The following GRB14 variants were observed in gnomAD, a reference collection of about 807,000 sequenced individuals.
The protein encoded by GRB14 is growth factor receptor bound protein 14, also known as growth factor receptor-bound protein 14.
Under a neutral mutation model 69.1 loss-of-function variants are expected in GRB14, and 38 were observed. That is an observed-to-expected ratio of 0.55 (90% CI 0.42 to 0.72). The LOEUF (loss-of-function observed/expected upper bound fraction) is 0.72, where lower values mean the gene tolerates loss of function less well. Among genes scored for constraint, GRB14 ranks in the 30% least tolerant of loss-of-function variants. The pLI, the probability that GRB14 is intolerant of heterozygous loss-of-function variation, is 0.00. For synonymous variants in GRB14, 247 were observed against 241.3 expected (o/e 1.02, Z -0.22); for missense variants, 666 against 666.1 (o/e 1.00, Z 0.00).
At chr2:164,494,255 G>T (rs1255638379) in intron 13 of GRB14, among the ~76,000 whole-genome samples, 176 bp downstream of exon 13, 1 of 151,982 alleles carries the variant, frequency 6.6e-6, no homozygotes, top group African/African-American at 2.4e-5. Context: ...TATTAATTCA[G>T]GCTCATAAAA....
At position 164,621,355 on chromosome 2, in the gene GRB14, G is replaced by A. The variant is rs746276392; in HGVS notation, c.-46C>T. ...GGGCGTCATGGGAGACTCGGCGCGT[G>A]GGGAGAAGGGGTTTGCGCGGCGGGA... On this transcript the variant is annotated 5_prime_UTR_variant, in exon 1 of 14. Coordinates refer to ENST00000263915, the MANE Select transcript of GRB14 (RefSeq NM_004490.3). The surrounding 1 kb of genome is among the most constrained non-coding windows in gnomAD (Gnocchi z 6.0). 2.4e-6 allele frequency: 3 copies of A among 1,252,076 alleles called. No individual in the cohort carries two copies. Among genetic ancestry groups the A allele is most frequent in the East Asian group, 3.0e-5 (1 of 33,744 alleles). 77.6% of individuals were successfully genotyped at this position (1,252,076 alleles called of 1,614,324 possible).
At chr2:164,558,121 T>A (rs1688726135) in intron 2 of GRB14, among the ~76,000 whole-genome samples, 1 of 152,084 alleles carries the variant, frequency 6.6e-6, no homozygotes, top group African/African-American at 2.4e-5. Flanking sequence ...GCTCAGGACA[T>A]CTCCTTAAAG....
chr2:164,552,542 C>A (rs1688569956), intron 2 of GRB14, among the ~76,000 whole-genome samples: 1 of 152,044 alleles, frequency 6.6e-6, no homozygotes, highest in Non-Finnish European at 1.5e-5. Context: ...CATACAAATT[C>A]CTAGGTAGGA....
At chr2:164,525,153 A>T (rs1687737641) in intron 4 of GRB14, 75 bp from the exon 5 acceptor site, 1 of 1,004,150 alleles carries the variant, frequency 1.0e-6, no homozygotes, top group Non-Finnish European at 1.5e-6. Flanking sequence ...TATAGTAATC[A>T]AAAGCAAAAG....
intron 2 of GRB14, among the ~76,000 whole-genome samples, chr2:164,583,637 T>C (rs1172766838): frequency 6.6e-6 from 1 of 151,616 alleles, no homozygotes; most frequent in Admixed American, 6.6e-5. Context: ...GGTAATAGAG[T>C]AAAATAATAA....
chr2:164,560,176 T>C (rs566591749), intron 2 of GRB14, among the ~76,000 whole-genome samples: 1 of 152,312 alleles, frequency 6.6e-6, no homozygotes, highest in East Asian at 1.9e-4. Flanking sequence ...GTCCAGTATT[T>C]AGGCTGCTTT....
chr2:164,532,682 G>T (rs1687978106), intron 3 of GRB14, among the ~76,000 whole-genome samples: 2 of 152,172 alleles, frequency 1.3e-5, no homozygotes, highest in African/African-American at 4.8e-5. Context: ...CTGTTAACGG[G>T]CAAGGGGTGG....
chr2:164,502,230 A>G (rs201238854), intron 9 of GRB14, 25 bp downstream of exon 9: 265 of 1,233,028 alleles, frequency 2.1e-4, no homozygotes, highest in Non-Finnish European at 4.8e-6. Flanking sequence ...AAAATAAAAC[A>G]CAGGCTCAAA....
intron 3 of GRB14, among the ~76,000 whole-genome samples, chr2:164,543,035 G>A (rs1326117899): frequency 6.6e-6 from 1 of 152,110 alleles, no homozygotes; most frequent in Non-Finnish European, 1.5e-5. Context: ...GCTCACACCT[G>A]TAATCCTAGC....
At chr2:164,606,324 T>C (rs2105356155) in intron 2 of GRB14, among the ~76,000 whole-genome samples, 1 of 152,292 alleles carries the variant, frequency 6.6e-6, no homozygotes, top group African/African-American at 2.4e-5. Context: ...AGCCCCTACA[T>C]GATGTGTAAT....
At chr2:164,593,874 A>G (rs1156764059) in intron 2 of GRB14, among the ~76,000 whole-genome samples, 1 of 152,184 alleles carries the variant, frequency 6.6e-6, no homozygotes, top group East Asian at 1.9e-4. Context: ...AGGAGAATAA[A>G]TTTGGAAATA....
intron 2 of GRB14, among the ~76,000 whole-genome samples, chr2:164,558,738 G>A (rs1305980483): frequency 6.6e-6 from 1 of 152,170 alleles, no homozygotes; most frequent in Non-Finnish European, 1.5e-5. Context: ...TCCCAGAACA[G>A]CCATAAGACA....
At chr2:164,592,544 G>C (rs574939481) in intron 2 of GRB14, among the ~76,000 whole-genome samples, 158 of 152,200 alleles carry the variant, frequency 1.0e-3, no homozygotes, top group African/African-American at 3.5e-3. Flanking sequence ...CTACCTCTTG[G>C]GCACCACCAG....
intron 2 of GRB14, chr2:164,568,573 CCAAT>C (rs1383069236): frequency 8.3e-6 from 5 of 605,748 alleles, no homozygotes; most frequent in African/African-American, 8.0e-5. Context: ...AAGGCAGCAA[CCAAT>C]CAAAGCCCGG....
intron 2 of GRB14, among the ~76,000 whole-genome samples, chr2:164,606,876 C>A (rs1690054565): frequency 6.6e-6 from 1 of 152,174 alleles, no homozygotes. Flanking sequence ...TCACCCTTCC[C>A]AGGAATGAAA....
At position 164,492,782 on chromosome 2, in the gene GRB14, C is replaced by A; in HGVS notation, c.*254G>T. 3.1e-6 allele frequency: 1 copy of A among 317,696 alleles called. No homozygotes were observed. The highest frequency in any genetic ancestry group is 5.7e-6 in the Non-Finnish European group (1 of 175,642). 19.7% of individuals were successfully genotyped at this position (317,696 alleles called of 1,614,324 possible). A position where few individuals can be genotyped will look rare whatever the true frequency, so the allele number is the denominator to read the frequency against. On this transcript the variant is annotated 3_prime_UTR_variant, in exon 14 of 14. Coordinates refer to ENST00000263915, the MANE Select transcript of GRB14 (RefSeq NM_004490.3). ...TGCATATTTGAAGAAAATATTATAG[C>A]AATGTAAAAATCACACAAGAACACA...
intron 8 of GRB14, among the ~76,000 whole-genome samples, chr2:164,507,329 C>T (rs1390159337): frequency 1.3e-5 from 2 of 152,096 alleles, no homozygotes; most frequent in Non-Finnish European, 2.9e-5. Context: ...ACTTCATCCC[C>T]TTCTTCAGGG....
intron 2 of GRB14, among the ~76,000 whole-genome samples, chr2:164,572,052 AATC>A (rs1443398510): frequency 6.6e-6 from 1 of 152,198 alleles, no homozygotes; most frequent in Non-Finnish European, 1.5e-5. Flanking sequence ...ATTCAAAGTT[AATC>A]AACTCATGAC....
chr2:164,603,996 T>G (rs1399885179), intron 2 of GRB14, among the ~76,000 whole-genome samples: 1 of 152,320 alleles, frequency 6.6e-6, no homozygotes, highest in East Asian at 1.9e-4. Context: ...AAAAAGATGC[T>G]CAACCTTACA....
Sources: allele counts gnomAD v4.1 joint callset (sites outside exome capture counted in the v4.1 genomes callset), GRCh38; gene constraint gnomAD v4.1.1; non-coding constraint Gnocchi (gnomAD v3.1); transcripts MANE v1.5; gene names NCBI Gene and HGNC (gene_info 2026-07-23, HGNC 2026-07-21).